DDX60: variants seen among roughly 807,000 people sequenced by gnomAD.
DDX60 encodes the protein DExD/H-box helicase 60.
In DDX60, 165 loss-of-function variants were observed where a neutral mutation model predicts 212.8. The observed-to-expected ratio is 0.78, with a 90% CI of 0.68 to 0.88. DDX60 has a LOEUF of 0.88. Among genes scored for constraint, DDX60 ranks in the 40% least tolerant of loss-of-function variants. The probability of loss-of-function intolerance (pLI) is 0.00; values close to 1 mark genes in which losing one functional copy is unlikely to be tolerated. For missense variants in DDX60, 1,905 were observed against 2,003.9 expected (o/e 0.95, Z 0.94); for synonymous variants, 703 against 685.3 (o/e 1.03, Z -0.40).
chr4:168,274,837 T>G (rs1200751570), intron 16 of DDX60, among the ~76,000 whole-genome samples: 1 of 152,236 alleles, frequency 6.6e-6, no homozygotes, highest in Non-Finnish European at 1.5e-5. Context: ...ACATGTTCAA[T>G]TTATCAGCAA....
At chr4:168,253,672 T>C in intron 26 of DDX60, among the ~76,000 whole-genome samples, 1 of 152,234 alleles carries the variant, frequency 6.6e-6, no homozygotes. Flanking sequence ...CTTGCTTTTC[T>C]TCACCTTCCC....
intron 16 of DDX60, among the ~76,000 whole-genome samples, chr4:168,274,671 C>T (rs1735253754): frequency 1.3e-5 from 2 of 152,228 alleles, no homozygotes; most frequent in South Asian, 2.1e-4. Context: ...TAATGGAGAG[C>T]ATTAGTGCCT....
At chr4:168,298,279 G>A (rs1736497293) in intron 6 of DDX60, among the ~76,000 whole-genome samples, 2 of 152,040 alleles carry the variant, frequency 1.3e-5, no homozygotes, top group Admixed American at 1.3e-4. Flanking sequence ...AGTCATAACA[G>A]TAAATGTGAG....
chr4:168,255,205 T>C (rs1223516752), intron 26 of DDX60, among the ~76,000 whole-genome samples: 1 of 152,112 alleles, frequency 6.6e-6, no homozygotes, highest in African/African-American at 2.4e-5. Flanking sequence ...AATTAGACAT[T>C]GAGAGCAAGG....
In DDX60 at chr4:168,255,776, TTTATCAG is replaced by T; in HGVS notation, c.3485_3491del (p.Ala1162GlufsTer17). ...GTTTGTTAGCCATGACATGGGCTTC[TTTATCAG>T]CTTTGGGAGGCCTTTTTGTCTCCTG... On this transcript the variant is annotated frameshift_variant, in exon 26 of 38. Coordinates refer to ENST00000393743, the MANE Select transcript of DDX60 (RefSeq NM_017631.6). LOFTEE classifies it high-confidence loss of function. 1 of 1,607,042 alleles carries T rather than the reference TTTATCAG, an allele frequency of 6.2e-7. No individual in the cohort carries two copies. The highest frequency in any genetic ancestry group is 8.5e-7 in the Non-Finnish European group (1 of 1,178,364).
upstream of DDX60, among the ~76,000 whole-genome samples, chr4:168,319,431 A>G (rs1266829609): frequency 6.6e-6 from 1 of 152,238 alleles, no homozygotes; most frequent in Non-Finnish European, 1.5e-5. Context: ...GTATGCAAAA[A>G]GAAAAAAGAA....
At chr4:168,283,261 T>A (rs1476846447) in intron 13 of DDX60, among the ~76,000 whole-genome samples, 185 bp downstream of exon 13, 2 of 152,150 alleles carry the variant, frequency 1.3e-5, no homozygotes, top group Admixed American at 6.5e-5. Context: ...TCATTACAAC[T>A]TTTTTATGAA....
chr4:168,300,324 G>A (rs1736592983), intron 6 of DDX60, among the ~76,000 whole-genome samples: 1 of 152,036 alleles, frequency 6.6e-6, no homozygotes, highest in Non-Finnish European at 1.5e-5. Flanking sequence ...GGCAGATCAC[G>A]AGTTCAGTAG....
chr4:168,280,283 A>G, intron 14 of DDX60, 52 bp downstream of exon 14: 1 of 1,551,008 alleles, frequency 6.4e-7, no homozygotes, highest in Admixed American at 2.0e-5. Flanking sequence ...TATCATCATT[A>G]CATTTGTATT....
At chr4:168,248,514 C>T (rs935953956) in intron 28 of DDX60, among the ~76,000 whole-genome samples, 13 of 152,262 alleles carry the variant, frequency 8.5e-5, no homozygotes, top group Admixed American at 3.3e-4. Flanking sequence ...CCCAAATATT[C>T]GTTTCTCTGG....
intron 30 of DDX60, among the ~76,000 whole-genome samples, chr4:168,242,237 G>A (rs1045186735): frequency 2.6e-5 from 4 of 152,212 alleles, no homozygotes; most frequent in Non-Finnish European, 5.9e-5. Context: ...AGTGCAAAGG[G>A]AAAATATGGG....
At chr4:168,226,660 G>A (rs994510378) in intron 33 of DDX60, among the ~76,000 whole-genome samples, 1 of 151,964 alleles carries the variant, frequency 6.6e-6, no homozygotes, top group Non-Finnish European at 1.5e-5. Context: ...TATCCTTTGT[G>A]TTACAAACAA....
In DDX60 at chr4:168,290,738, C is replaced by T. The variant is rs111793168; in HGVS notation, c.1041+1010G>A. ...TCAGATTATAAAGCATTCTATGATT[C>T]CGTCTTCATAATTACTTTTAAAATT... On this transcript the variant is annotated intron_variant, in intron 8 of 37. Coordinates refer to ENST00000393743, the MANE Select transcript of DDX60 (RefSeq NM_017631.6). 2.6e-5 allele frequency among the ~76,000 whole-genome samples: 4 copies of T among 152,064 alleles called. No individual in the cohort carries two copies. In the East Asian group the frequency reaches 7.7e-4, roughly 29 times the overall value.
rs1249530499 is a variant in DDX60 at position 168,262,071 on chromosome 4, C to A, written c.3202G>T (p.Asp1068Tyr). Residue 1068 changes from aspartate to tyrosine, a missense_variant, in exon 24 of 38, where the codon GAT becomes TAT. Transcript: ENST00000393743. ...FNNKLVIKKMDARKYEESLKA... is the reference protein window; with the variant it reads ...FNNKLVIKKMYARKYEESLKA... ...AGACTCTCTTCATATTTCCTAGCATCCATCTTTTTAATGACTAATTTATTG... is the reference window on the plus strand; with the variant it reads ...AGACTCTCTTCATATTTCCTAGCATACATCTTTTTAATGACTAATTTATTG... 6.2e-7 allele frequency: 1 copy of A among 1,601,534 alleles called. No homozygotes were observed. The highest frequency in any genetic ancestry group is 1.7e-5 in the Admixed American group (1 of 57,410).
chr4:168,288,358 T>C, intron 8 of DDX60, 43 bp from the exon 9 acceptor site: 1 of 1,351,776 alleles, frequency 7.4e-7, no homozygotes, highest in Admixed American at 2.3e-5. Flanking sequence ...AATATTCATA[T>C]TAGCAATAAA....
chr4:168,228,947 A>G (rs1449780094), intron 33 of DDX60, among the ~76,000 whole-genome samples: 2 of 152,172 alleles, frequency 1.3e-5, no homozygotes, highest in East Asian at 3.8e-4. Flanking sequence ...ATTTTAATTG[A>G]GCACATTAAA....
chr4:168,237,675 G>A lies in DDX60; in HGVS notation c.4269+16C>T, dbSNP rs767687017. On this transcript the variant is annotated intron_variant, in intron 31 of 37. Transcript: ENST00000393743. ...AGTAATGCTATTTCCCAAAACAAAA[G>A]TGCAGTAATGCATACCTCTTTCACC... 8.2e-6 allele frequency: 13 copies of A among 1,593,072 alleles called. 1 individual carries two copies. In the South Asian group the frequency reaches 1.5e-4, roughly 18 times the overall value.
intron 37 of DDX60, among the ~76,000 whole-genome samples, chr4:168,219,941 CAGG>C (rs1732990700): frequency 6.6e-6 from 1 of 151,824 alleles, no homozygotes; most frequent in African/African-American, 2.4e-5. Flanking sequence ...GAGATTGAGG[CAGG>C]AGAACTGCTT....
intron 17 of DDX60, 54 bp from the exon 18 acceptor site, chr4:168,273,452 TC>T: frequency 6.2e-7 from 1 of 1,603,358 alleles, no homozygotes; most frequent in Non-Finnish European, 8.5e-7. Flanking sequence ...AGGTGAAATA[TC>T]AGAGGACAAC....
Sources: allele counts gnomAD v4.1 joint callset (sites outside exome capture counted in the v4.1 genomes callset), GRCh38; gene constraint gnomAD v4.1.1; transcripts MANE v1.5; gene names NCBI Gene and HGNC (gene_info 2026-07-23, HGNC 2026-07-21).